DMTF1: variants seen among roughly 807,000 people sequenced by gnomAD.
DMTF1 encodes the protein cyclin D binding myb like transcription factor 1, also known as cyclin-D-binding Myb-like transcription factor 1.
In DMTF1, 39 loss-of-function variants were observed where a neutral mutation model predicts 91.1. That is an observed-to-expected ratio of 0.43 (90% CI 0.33 to 0.56). The LOEUF (loss-of-function observed/expected upper bound fraction) is 0.56, where lower values mean the gene tolerates loss of function less well. Among genes scored for constraint, DMTF1 ranks in the 20% least tolerant of loss-of-function variants. The probability of loss-of-function intolerance (pLI) is 0.05; values close to 1 mark genes in which losing one functional copy is unlikely to be tolerated. For missense variants in DMTF1, 750 were observed against 914.5 expected (o/e 0.82, Z 2.32); for synonymous variants, 338 against 309.5 (o/e 1.09, Z -0.97).
Position 87,173,659 on chromosome 7 carries a change from C to CA in DMTF1, c.442+11dup, listed in dbSNP as rs758998505. On this transcript the variant is annotated intron_variant, in intron 6 of 17. Coordinates refer to ENST00000331242, the MANE Select transcript of DMTF1 (RefSeq NM_001142327.2). ...TCTCTGACTAATAAAGGTAAGATAACACTGTGAATTTTAGTGCCTAGTGAA... is the reference window on the plus strand; with the variant it reads ...TCTCTGACTAATAAAGGTAAGATAACAACTGTGAATTTTAGTGCCTAGTGAA... 4 of 1,562,730 alleles carry CA rather than the reference C, an allele frequency of 2.6e-6. No individual in the cohort carries two copies. The East Asian group carries it at 9.1e-5, about 36-fold the overall frequency.
rs1294672943 is a variant in DMTF1, at chr7:87,193,296, A to C, written c.1593A>C (p.Val531=). The C allele has an allele frequency of 6.2e-7, 1 of 1,613,498 alleles. No individual in the cohort carries two copies. The highest frequency in any genetic ancestry group is 2.2e-5 in the East Asian group (1 of 44,872). Residue 531 remains valine, a synonymous_variant, in exon 15 of 18, where the codon GTA becomes GTC. Transcript: ENST00000331242. ...LPLTLTASPT[V]TLTAAAPASP... ...TAACTCTGACTGCTAGTCCCACAGT[A>C]ACCCTGACAGCTGCTGCTCCTGCTT...
At chr7:87,166,729 C>T (rs1376130286) in intron 4 of DMTF1, 124 bp downstream of exon 4, 2 of 926,168 alleles carry the variant, frequency 2.2e-6, no homozygotes, top group East Asian at 4.9e-5. Context: ...TTAGTCAAAC[C>T]ACCTCTTTTT....
intron 14 of DMTF1, among the ~76,000 whole-genome samples, chr7:87,191,336 G>T (rs1799715459): frequency 1.3e-5 from 2 of 152,066 alleles, no homozygotes; most frequent in Admixed American, 6.6e-5. Flanking sequence ...CTAATCATGA[G>T]CAATTTAACA....
intron 1 of DMTF1, among the ~76,000 whole-genome samples, chr7:87,160,100 A>G (rs947592385): frequency 6.6e-6 from 1 of 152,136 alleles, no homozygotes; most frequent in Non-Finnish European, 1.5e-5. Context: ...CTAAATTACT[A>G]AACTTTCTAC....
intron 8 of DMTF1, 60 bp downstream of exon 8, chr7:87,179,762 G>C: frequency 6.8e-7 from 1 of 1,463,926 alleles, no homozygotes; most frequent in Non-Finnish European, 9.2e-7. Flanking sequence ...TTGAGGAACT[G>C]TCCATTTTTT....
intron 13 of DMTF1, among the ~76,000 whole-genome samples, chr7:87,188,987 C>T (rs1459367225): frequency 6.6e-6 from 1 of 152,136 alleles, no homozygotes; most frequent in East Asian, 1.9e-4. Flanking sequence ...ACATATGCTA[C>T]CTGCATTTGA....
intron 1 of DMTF1, among the ~76,000 whole-genome samples, chr7:87,153,709 G>A (rs1366868642): frequency 1.3e-5 from 2 of 152,134 alleles, no homozygotes; most frequent in Non-Finnish European, 2.9e-5. Context: ...CCTACAAAAT[G>A]CATATTCTGT....
intron 12 of DMTF1, 174 bp from the exon 13 acceptor site, chr7:87,187,910 GTTTATAAA>G (rs1186253348): frequency 1.7e-6 from 1 of 580,982 alleles, no homozygotes; most frequent in Non-Finnish European, 3.1e-6. Context: ...TTGTTACGAT[GTTTATAAA>G]AATCTCAGGA....
intron 9 of DMTF1, chr7:87,181,892 G>T: frequency 1.7e-6 from 1 of 584,976 alleles, no homozygotes; most frequent in Non-Finnish European, 2.7e-6. Context: ...CTAAAGAAGA[G>T]TTTGTTGGGT....
At chr7:87,194,217 A>C in intron 16 of DMTF1, 115 bp downstream of exon 16, 2 of 1,183,070 alleles carry the variant, frequency 1.7e-6, no homozygotes, top group Non-Finnish European at 2.3e-6. Flanking sequence ...CCAACCTCAC[A>C]CCTCACAAAG....
intron 13 of DMTF1, 89 bp downstream of exon 13, chr7:87,188,390 A>T (rs1798944796): frequency 7.2e-7 from 1 of 1,386,344 alleles, no homozygotes; most frequent in Non-Finnish European, 1.0e-6. Context: ...TAGAATGTTA[A>T]TAGAAATTTA....
intron 16 of DMTF1, 116 bp downstream of exon 16, chr7:87,194,218 C>A (rs1800602557): frequency 8.5e-7 from 1 of 1,170,454 alleles, no homozygotes; most frequent in South Asian, 1.6e-5. Context: ...CAACCTCACA[C>A]CTCACAAAGT....
At chr7:87,187,872 CAAG>C in intron 12 of DMTF1, 1 of 541,530 alleles carries the variant, frequency 1.8e-6, no homozygotes, top group South Asian at 2.4e-5. Flanking sequence ...TCTTAGATGG[CAAG>C]AATAACAATA....
chr7:87,182,372 A>G (rs1457592300), intron 10 of DMTF1, 35 bp downstream of exon 10: 1 of 1,607,456 alleles, frequency 6.2e-7, no homozygotes, highest in Non-Finnish European at 8.5e-7. Flanking sequence ...TTTTCTTGTC[A>G]CCACTTAAGC....
At chr7:87,169,091 T>C (rs1157353401) in intron 4 of DMTF1, among the ~76,000 whole-genome samples, 3 of 152,334 alleles carry the variant, frequency 2.0e-5, no homozygotes, top group South Asian at 4.1e-4. Context: ...ATTTTGTTTC[T>C]TCTGTATCAC....
At chr7:87,153,454 G>C (rs1789845384) in intron 1 of DMTF1, among the ~76,000 whole-genome samples, 1 of 152,174 alleles carries the variant, frequency 6.6e-6, no homozygotes, top group African/African-American at 2.4e-5. Context: ...TTTGAGAGTA[G>C]AAGTGGCCAA....
At chr7:87,187,975 G>A (rs951344842) in intron 12 of DMTF1, 117 bp from the exon 13 acceptor site, 2 of 687,686 alleles carry the variant, frequency 2.9e-6, no homozygotes, top group Non-Finnish European at 2.6e-6. Flanking sequence ...CTCACATCCA[G>A]TATGCAGTTA....
chr7:87,194,184 C>G (rs1800593839), intron 16 of DMTF1, 82 bp downstream of exon 16: 2 of 1,453,952 alleles, frequency 1.4e-6, no homozygotes, highest in Non-Finnish European at 1.8e-6. Context: ...TTTCTGAAGA[C>G]TCATGAAATT....
At chr7:87,158,546 T>A (rs936041660) in intron 1 of DMTF1, among the ~76,000 whole-genome samples, 1 of 152,090 alleles carries the variant, frequency 6.6e-6, no homozygotes, top group Admixed American at 6.5e-5. Flanking sequence ...TTAAGAGTTA[T>A]AATAATTTTA....
Sources: allele counts gnomAD v4.1 joint callset (sites outside exome capture counted in the v4.1 genomes callset), GRCh38; gene constraint gnomAD v4.1.1; transcripts MANE v1.5; gene names NCBI Gene and HGNC (gene_info 2026-07-23, HGNC 2026-07-21).